The following NUP205 variants were observed in gnomAD, a reference collection of about 807,000 sequenced individuals.
The protein encoded by NUP205 is nuclear pore complex protein Nup205.
NUP205 carries 76 observed loss-of-function variants against 253.8 expected under a neutral mutation model. That is an observed-to-expected ratio of 0.30 (90% CI 0.25 to 0.36). The LOEUF (loss-of-function observed/expected upper bound fraction) is 0.36. Ranked by LOEUF, NUP205 falls within the 10% of genes least tolerant of loss-of-function variation. The pLI is 1.00. For missense variants in NUP205, 2,162 were observed against 2,425.5 expected, an observed-to-expected ratio of 0.89 and a Z score of 2.28; for synonymous variants, 832 against 850.1, an observed-to-expected ratio of 0.98 and a Z score of 0.37.
intron 2 of NUP205, among the ~76,000 whole-genome samples, chr7:135,573,128 A>G (rs531509838): frequency 6.6e-6 from 1 of 152,200 alleles, no homozygotes; most frequent in South Asian, 2.1e-4. Context: ...GCTAGATTCA[A>G]TGACCAATGT....
At chr7:135,620,774 TA>T (rs780025438) in intron 30 of NUP205, among the ~76,000 whole-genome samples, 18 of 152,320 alleles carry the variant, frequency 1.2e-4, no homozygotes, top group Admixed American at 2.6e-4. Context: ...AACTCATCAA[TA>T]GTATACATGT....
intron 31 of NUP205, among the ~76,000 whole-genome samples, chr7:135,623,606 A>G (rs1459008094): frequency 1.3e-5 from 2 of 152,198 alleles, no homozygotes; most frequent in Non-Finnish European, 1.5e-5. Flanking sequence ...ATTTGTATTT[A>G]TATTTCTTGT....
rs772691667 is a variant in NUP205, at chr7:135,626,349, C to T, written c.4781C>T (p.Thr1594Met). The T allele has an allele frequency of 1.5e-5, 24 of 1,613,988 alleles. No individual in the cohort carries two copies. The South Asian group carries it at 2.0e-4, about 13-fold the overall frequency. ...QCQVYDMRPE[T>M]DPQSMFGMRD... ...CAAGTCTATGACATGCGCCCAGAAA[C>T]GGACCCGCAGAGGTAAGTGTCTGTA... Residue 1594 changes from threonine (T) to methionine (M), a missense_variant, in exon 33 of 43, where the codon ACG becomes ATG. Thr to Met is a moderately conservative substitution (Grantham distance 81). Coordinates refer to ENST00000285968, the MANE Select transcript of NUP205 (RefSeq NM_015135.3).
intron 10 of NUP205, 137 bp from the exon 11 acceptor site, chr7:135,591,313 T>C: frequency 1.6e-6 from 1 of 641,284 alleles, no homozygotes; most frequent in Non-Finnish European, 2.6e-6. Flanking sequence ...ATAAATAGAA[T>C]ATCAGTTAAA....
At chr7:135,575,434 G>C (rs1251939912) in intron 3 of NUP205, among the ~76,000 whole-genome samples, 2 of 152,044 alleles carry the variant, frequency 1.3e-5, no homozygotes, top group African/African-American at 4.8e-5. Context: ...TGGAGGAGTA[G>C]TTGCAGTAAG....
intron 1 of NUP205, among the ~76,000 whole-genome samples, chr7:135,566,811 C>T (rs956572304): frequency 9.9e-5 from 15 of 152,038 alleles, no homozygotes; most frequent in African/African-American, 3.1e-4. Flanking sequence ...AATCTCGGCT[C>T]ACTGCAACCT....
chr7:135,631,259 A>G (rs1474010735), intron 35 of NUP205, among the ~76,000 whole-genome samples: 13 of 152,252 alleles, frequency 8.5e-5, no homozygotes, highest in Non-Finnish European at 1.9e-4. Flanking sequence ...GGTTTGTTAC[A>G]TAGGTATACA....
intron 1 of NUP205, among the ~76,000 whole-genome samples, chr7:135,559,187 GGT>G (rs1283054043): frequency 6.6e-6 from 1 of 151,990 alleles, no homozygotes; most frequent in Admixed American, 6.6e-5. Flanking sequence ...GTCAGTCTTA[GGT>G]GCTTAAACTA....
intron 33 of NUP205, among the ~76,000 whole-genome samples, chr7:135,627,447 T>G (rs1794615687): frequency 6.6e-6 from 1 of 152,194 alleles, no homozygotes; most frequent in Non-Finnish European, 1.5e-5. Flanking sequence ...ATTTGGATTT[T>G]GGATTTTCAG....
At chr7:135,589,771 A>C (rs1390069066) in intron 10 of NUP205, among the ~76,000 whole-genome samples, 1 of 151,178 alleles carries the variant, frequency 6.6e-6, no homozygotes, top group Admixed American at 6.6e-5. Context: ...CTCTACAAAA[A>C]ATATTTTAAA....
chr7:135,560,320 T>C (rs35357843), intron 1 of NUP205, among the ~76,000 whole-genome samples: 33,801 of 152,112 alleles, frequency 0.22, 4,350 homozygotes, highest in East Asian at 0.5. Flanking sequence ...TAGTACATAC[T>C]CGCCCTAAGC....
In NUP205 at chr7:135,630,335, A is replaced by C. The variant is rs751191149; in HGVS notation, c.4933-9A>C. The C allele has an allele frequency of 1.3e-6, 2 of 1,543,912 alleles. No homozygotes were observed. Among genetic ancestry groups the C allele is most frequent in the Admixed American group, 2.2e-5 (1 of 45,592 alleles). ...TTTTTTCTATTCCTCTTCCTTTTCA[A>C]TGGCTTAGGTATTGCAGTTTCTTAT... On this transcript the variant is annotated splice_polypyrimidine_tract_variant and intron_variant, in intron 34 of 42. Coordinates refer to ENST00000285968, the MANE Select transcript of NUP205 (RefSeq NM_015135.3).
intron 7 of NUP205, among the ~76,000 whole-genome samples, chr7:135,582,890 A>ACC (rs1455694768): frequency 6.6e-6 from 1 of 152,130 alleles, no homozygotes; most frequent in African/African-American, 2.4e-5. Flanking sequence ...AGAGATCAAG[A>ACC]CCATCCTGGC....
intron 34 of NUP205, among the ~76,000 whole-genome samples, chr7:135,629,271 T>C (rs1297423086): frequency 6.6e-6 from 1 of 152,230 alleles, no homozygotes; most frequent in African/African-American, 2.4e-5. Context: ...TCCATGAGTG[T>C]ACATTATAAA....
At chr7:135,639,883 C>T (rs1470275339) in intron 38 of NUP205, among the ~76,000 whole-genome samples, 1 of 152,108 alleles carries the variant, frequency 6.6e-6, no homozygotes, top group African/African-American at 2.4e-5. Flanking sequence ...CAGCCATAAA[C>T]AAGAATGAGT....
intron 18 of NUP205, 123 bp downstream of exon 18, chr7:135,603,117 T>A (rs548184856): frequency 4.0e-6 from 2 of 504,624 alleles, no homozygotes; most frequent in South Asian, 6.5e-5. Context: ...TTTTACTTTT[T>A]TTTTTTTTTT....
intron 22 of NUP205, among the ~76,000 whole-genome samples, chr7:135,610,382 G>A (rs930898798): frequency 6.6e-6 from 1 of 152,104 alleles, no homozygotes; most frequent in African/African-American, 2.4e-5. Context: ...CATCACACCC[G>A]GCTAATTTTG....
At position 135,576,962 on chromosome 7, in the gene NUP205, A is replaced by T; in HGVS notation, c.489-7A>T. On this transcript the variant is annotated splice_region_variant and splice_polypyrimidine_tract_variant and intron_variant, in intron 4 of 42. Coordinates refer to ENST00000285968, the MANE Select transcript of NUP205 (RefSeq NM_015135.3). The stretch of plus-strand genomic sequence containing the variant: ...TAACGTAGTTTATTGATTTCTTTTC[A>T]TTACAGTCCAGAGCTGGCTTCCATG... 1 of 1,602,188 alleles carries T rather than the reference A, an allele frequency of 6.2e-7. No individual in the cohort carries two copies. The highest frequency in any genetic ancestry group is 1.3e-5 in the African/African-American group (1 of 74,184).
At chr7:135,632,444 A>C (rs1215442295) in intron 35 of NUP205, among the ~76,000 whole-genome samples, 1 of 152,102 alleles carries the variant, frequency 6.6e-6, no homozygotes, top group African/African-American at 2.4e-5. Context: ...TGTAACTACG[A>C]GGCTACACTA....
Sources: allele counts gnomAD v4.1 joint callset (sites outside exome capture counted in the v4.1 genomes callset), GRCh38; gene constraint gnomAD v4.1.1; transcripts MANE v1.5; gene names NCBI Gene and HGNC (gene_info 2026-07-23, HGNC 2026-07-21).